WBP4: variants seen among roughly 807,000 people sequenced by gnomAD.
WBP4 encodes the protein WW domain-binding protein 4.
Under a neutral mutation model 55.4 loss-of-function variants are expected in WBP4, and 37 were observed. That is an observed-to-expected ratio of 0.67 (90% confidence interval 0.51 to 0.88). The LOEUF (loss-of-function observed/expected upper bound fraction) is 0.88. Among genes scored for constraint, WBP4 ranks in the 40% least tolerant of loss-of-function variants. WBP4 has a pLI of 0.00. For synonymous variants in WBP4, 142 were observed against 140.2 expected (o/e 1.01, Z -0.09); for missense variants, 398 against 420.8 (o/e 0.95, Z 0.47).
chr13:41,062,117 T>TTG (rs1877695043), intron 1 of WBP4: 1 of 975,210 alleles, frequency 1.0e-6, no homozygotes, highest in African/African-American at 1.9e-5. Flanking sequence ...TTTTTTTTTT[T>TTG]TTTTTTTGTC....
intron 1 of WBP4, among the ~76,000 whole-genome samples, 197 bp from the exon 2 acceptor site, chr13:41,062,447 A>T (rs748591332): frequency 6.6e-5 from 10 of 152,198 alleles, no homozygotes; most frequent in Admixed American, 1.3e-4. Flanking sequence ...AATCAGATAC[A>T]GACTTTTTCT....
chr13:41,062,928 C>T (rs563368955), intron 2 of WBP4, among the ~76,000 whole-genome samples: 6 of 152,224 alleles, frequency 3.9e-5, no homozygotes, highest in East Asian at 3.9e-4. Context: ...TAAATTATTT[C>T]TCTGTGGCCT....
Position 41,080,806 on chromosome 13 carries a change from C to G in WBP4, c.917C>G (p.Ser306Cys), listed in dbSNP as rs189936007. 1.9e-6 allele frequency: 3 copies of G among 1,605,584 alleles called. No homozygotes were observed. The African/African-American group carries it at 4.0e-5, about 22-fold the overall frequency. Residue 306 changes from serine (S) to cysteine (C), a missense_variant, in exon 9 of 10, where the codon TCT becomes TGT. By Grantham distance (112) the Ser-to-Cys change is moderately radical. Coordinates refer to ENST00000379487, the MANE Select transcript of WBP4 (RefSeq NM_007187.5). The part of the protein sequence containing the change: ...EWQEIKQEVE[S>C]HEEVDLELPS... The stretch of plus-strand genomic sequence containing the variant: ...CAAGAAATTAAACAAGAGGTTGAGT[C>G]TCAGTAAGTACCTGGAGCTTTAATC...
Position 41,061,576 on chromosome 13 carries a change from G to C in WBP4, c.-98G>C. ...GGTGTCTGGATCGGAGGGAGGTTCG[G>C]GTGGGCATCGGGCGGCTGGAAGAGC... On this transcript the variant is annotated 5_prime_UTR_variant, in exon 1 of 10. Transcript: ENST00000379487. The C allele has an allele frequency of 6.3e-7, 1 of 1,589,494 alleles. No homozygotes were observed. Among genetic ancestry groups the C allele is most frequent in the Non-Finnish European group, 8.6e-7 (1 of 1,160,742 alleles).
rs145743027 is a variant in WBP4, at chr13:41,068,720, A to G, written c.422A>G (p.Tyr141Cys). ...ACCTCTGAGGGTTACCATTACTATT[A>G]TGATCTTATCTCAGGAGGTAAGTCA... ...GITSEGYHYYYDLISGASQWE... is the reference protein window; with the variant it reads ...GITSEGYHYYCDLISGASQWE... Residue 141 changes from tyrosine to cysteine, a missense_variant, in exon 5 of 10, where the codon TAT becomes TGT. By Grantham distance (194) the Tyr-to-Cys change is radical. Coordinates refer to ENST00000379487, the MANE Select transcript of WBP4 (RefSeq NM_007187.5). 2.1e-5 allele frequency: 34 copies of G among 1,604,152 alleles called. No homozygotes were observed. Among genetic ancestry groups the G allele is most frequent in the Non-Finnish European group, 2.7e-5 (32 of 1,176,462 alleles).
chr13:41,068,838 A>G (rs1878101243), intron 5 of WBP4, 101 bp downstream of exon 5: 1 of 1,282,532 alleles, frequency 7.8e-7, no homozygotes, highest in East Asian at 2.6e-5. Context: ...GAGCACTTTA[A>G]ATAGTGAAAG....
At chr13:41,074,635 A>G (rs903374920) in intron 7 of WBP4, among the ~76,000 whole-genome samples, 6 of 152,194 alleles carry the variant, frequency 3.9e-5, no homozygotes, top group Non-Finnish European at 7.3e-5. Flanking sequence ...CATGCTCTGT[A>G]AGGTCATGAA....
Position 41,065,235 on chromosome 13 carries a change from A to G in WBP4, c.210A>G (p.Ala70=), listed in dbSNP as rs748051443. Residue 70 remains alanine, a synonymous_variant, in exon 4 of 10, where the codon GCA becomes GCG. Transcript: ENST00000379487. ...CAAAGGAGTTTGCTGCAATGGAGGCAGCTGCCCTGAAAGCATACCAAGAGG... is the reference window on the plus strand; with the variant it reads ...CAAAGGAGTTTGCTGCAATGGAGGCGGCTGCCCTGAAAGCATACCAAGAGG... The part of the protein sequence containing the change: ...KASKEFAAME[A]AALKAYQEDL... 5.0e-6 allele frequency: 8 copies of G among 1,609,508 alleles called. No homozygotes were observed. The highest frequency in any genetic ancestry group is 6.8e-6 in the Non-Finnish European group (8 of 1,177,694).
intron 9 of WBP4, 88 bp downstream of exon 9, chr13:41,080,897 A>G: frequency 7.2e-7 from 1 of 1,381,250 alleles, no homozygotes; most frequent in South Asian, 1.3e-5. Flanking sequence ...AATTTCAAGG[A>G]TGCTGTGCTT....
Position 41,080,783 on chromosome 13 carries a change from AG to A in WBP4, c.895del (p.Glu299LysfsTer12), listed in dbSNP as rs1396902912. 1 of 1,606,860 alleles carries A rather than the reference AG, an allele frequency of 6.2e-7. No homozygotes were observed. The highest frequency in any genetic ancestry group is 2.2e-5 in the East Asian group (1 of 44,804). ...KKSNPYGEWQ[E>X]IKQEVESHEE... ...AATCAAACCCATATGGAGAATGGCA[AG>A]AAATTAAACAAGAGGTTGAGTCTCA... On this transcript the variant is annotated frameshift_variant, in exon 9 of 10. Transcript: ENST00000379487. LOFTEE classifies it high-confidence loss of function.
chr13:41,062,739 G>A (rs759583688), intron 2 of WBP4, 23 bp downstream of exon 2: 2 of 1,590,836 alleles, frequency 1.3e-6, no homozygotes, highest in Non-Finnish European at 1.7e-6. Context: ...CGCTGTTAGA[G>A]ATTCTAATAA....
At chr13:41,072,987 TA>T in intron 7 of WBP4, 130 bp downstream of exon 7, 1 of 656,294 alleles carries the variant, frequency 1.5e-6, no homozygotes, top group Non-Finnish European at 2.5e-6. Flanking sequence ...AAACATGAAT[TA>T]TTTTTTGTAA....
chr13:41,063,593 T>A (rs528619913), intron 2 of WBP4, among the ~76,000 whole-genome samples: 1 of 152,282 alleles, frequency 6.6e-6, no homozygotes, highest in African/African-American at 2.4e-5. Flanking sequence ...ACTTAAAGTC[T>A]CTCTTTCTTG....
chr13:41,068,412 TA>T (rs1821765859), intron 4 of WBP4, 148 bp from the exon 5 acceptor site: 1 of 688,990 alleles, frequency 1.5e-6, no homozygotes, highest in South Asian at 5.1e-5. Flanking sequence ...CTTACATGTT[TA>T]TTTTTCCGAA....
At chr13:41,064,995 T>G in intron 2 of WBP4, 21 bp from the exon 3 acceptor site, 1 of 1,541,612 alleles carries the variant, frequency 6.5e-7, no homozygotes, top group Non-Finnish European at 8.7e-7. Context: ...TCTTTTGTTA[T>G]TTTCTCTTTT....
chr13:41,083,908 A>G lies in WBP4; in HGVS notation c.*994A>G, dbSNP rs1056808842. ...AAATTCACAAAATTACATTTCTCAT[A>G]AATTGTATAGTATTTAACTTATAAT... On this transcript the variant is annotated 3_prime_UTR_variant, in exon 10 of 10. Transcript: ENST00000379487. The G allele has an allele frequency of 4.6e-5, 7 of 152,188 alleles. No individual in the cohort carries two copies. Among genetic ancestry groups the G allele is most frequent in the African/African-American group, 7.2e-5 (3 of 41,454 alleles). The allele number at this position is 152,188 out of a possible 1,614,324, so 9.4% of individuals were successfully genotyped here. A position where few individuals can be genotyped will look rare whatever the true frequency, so the allele number is the denominator to read the frequency against.
At chr13:41,075,236 A>G (rs1021053145) in intron 7 of WBP4, among the ~76,000 whole-genome samples, 1 of 152,280 alleles carries the variant, frequency 6.6e-6, no homozygotes, top group Non-Finnish European at 1.5e-5. Flanking sequence ...TAAAAGCCCA[A>G]TGAACCACTG....
At chr13:41,077,867 A>C (rs1878573282) in intron 8 of WBP4, among the ~76,000 whole-genome samples, 1 of 152,156 alleles carries the variant, frequency 6.6e-6, no homozygotes, top group Non-Finnish European at 1.5e-5. Flanking sequence ...TAAAACCGAG[A>C]ACCAAATAAA....
chr13:41,062,772 C>A, intron 2 of WBP4, 56 bp downstream of exon 2: 1 of 1,500,418 alleles, frequency 6.7e-7, no homozygotes, highest in South Asian at 1.2e-5. Flanking sequence ...ATGAAGTGCT[C>A]CTTTTTGATG....
Sources: allele counts gnomAD v4.1 joint callset (sites outside exome capture counted in the v4.1 genomes callset), GRCh38; gene constraint gnomAD v4.1.1; transcripts MANE v1.5; gene names NCBI Gene and HGNC (gene_info 2026-07-23, HGNC 2026-07-21).